The following ATPAF2 variants were observed in gnomAD, a reference collection of about 807,000 sequenced individuals.
ATPAF2 encodes ATP synthase mitochondrial F1 complex assembly factor 2.
ATPAF2 carries 30 observed loss-of-function variants against 36.6 expected under a neutral mutation model. That is an observed-to-expected ratio of 0.82 (90% confidence interval 0.61 to 1.11). The LOEUF (loss-of-function observed/expected upper bound fraction) is 1.11. Ranked by LOEUF, ATPAF2 falls within the 50% of genes most tolerant of loss-of-function variation. The pLI, the probability that ATPAF2 is intolerant of heterozygous loss-of-function variation, is 0.00. For synonymous variants in ATPAF2, 140 were observed against 152.6 expected, an observed-to-expected ratio of 0.92 and a Z score of 0.61; for missense variants, 321 against 372.3, an observed-to-expected ratio of 0.86 and a Z score of 1.13.
downstream of ATPAF2, chr17:18,016,566 G>C (rs1207384684): frequency 1.2e-6 from 2 of 1,611,720 alleles, no homozygotes; most frequent in African/African-American, 1.3e-5. Context: ...AGATTCACAA[G>C]GATGAGATCA....
At chr17:18,020,429 T>C (rs889557505) in intron 7 of ATPAF2, among the ~76,000 whole-genome samples, 1 of 152,254 alleles carries the variant, frequency 6.6e-6, no homozygotes, top group Admixed American at 6.5e-5. Flanking sequence ...AGATGGTCTT[T>C]ATCCACCCGT....
At chr17:18,033,867 C>G (rs2044670291) in intron 1 of ATPAF2, among the ~76,000 whole-genome samples, 1 of 151,158 alleles carries the variant, frequency 6.6e-6, no homozygotes, top group Non-Finnish European at 1.5e-5. Flanking sequence ...AGCTTGTAAT[C>G]CCAGCACTTT....
rs773968890 is a variant in ATPAF2, at chr17:18,028,655, C to T, written c.138G>A (p.Arg46=). The part of the protein sequence containing the change: ...PARAYAPPTE[R]KRFYQNVSIT... Reference sequence around the variant, plus strand: ...TGCTGACATTCTGATAAAACCTCTTCCTTTCTGTAAGAAAGATTTTTCAAA... The same window carrying T: ...TGCTGACATTCTGATAAAACCTCTTTCTTTCTGTAAGAAAGATTTTTCAAA... The change falls in exon 2 of 8, where the codon AGG becomes AGA. Residue 46 remains arginine, a synonymous_variant. Coordinates refer to ENST00000474627, the MANE Select transcript of ATPAF2 (RefSeq NM_145691.4). 6 of 1,612,814 alleles carry T rather than the reference C, an allele frequency of 3.7e-6. No individual in the cohort carries two copies. In the East Asian group the frequency reaches 1.3e-4, roughly 36 times the overall value.
chr17:18,019,258 T>G (rs1416432658), intron 7 of ATPAF2, among the ~76,000 whole-genome samples: 1 of 151,396 alleles, frequency 6.6e-6, no homozygotes. Flanking sequence ...CTGGAAGAAG[T>G]GCAGTCCAGG....
intron 1 of ATPAF2, among the ~76,000 whole-genome samples, chr17:18,034,093 T>A (rs1597678503): frequency 6.6e-6 from 1 of 152,068 alleles, no homozygotes; most frequent in Non-Finnish European, 1.5e-5. Flanking sequence ...CACTCTAGCC[T>A]AGGCAACAGA....
At chr17:18,029,370 G>A (rs2044594628) in intron 1 of ATPAF2, among the ~76,000 whole-genome samples, 1 of 152,176 alleles carries the variant, frequency 6.6e-6, no homozygotes, top group African/African-American at 2.4e-5. Context: ...TCCCTCAACT[G>A]ATAACAAAGA....
intron 7 of ATPAF2, among the ~76,000 whole-genome samples, chr17:18,019,035 AGACT>A (rs1413621442): frequency 6.6e-6 from 1 of 152,074 alleles, no homozygotes; most frequent in Non-Finnish European, 1.5e-5. Context: ...GCTATTTGAG[AGACT>A]GAGGTAGGAG....
At chr17:18,016,851 C>A, downstream of ATPAF2, 6 of 457,570 alleles carry the variant, frequency 1.3e-5, no homozygotes, top group African/African-American at 2.1e-5. Flanking sequence ...ATAAAGGACT[C>A]ATTTCACATT....
At chr17:18,025,082 A>T in intron 4 of ATPAF2, 1 of 347,640 alleles carries the variant, frequency 2.9e-6, no homozygotes, top group Non-Finnish European at 5.6e-6. Context: ...CCTAAAGCAG[A>T]TCCAATCTAC....
chr17:18,018,834 C>T (rs1774694260), intron 7 of ATPAF2, 148 bp from the exon 8 acceptor site: 3 of 1,131,460 alleles, frequency 2.7e-6, no homozygotes, highest in Non-Finnish European at 3.9e-6. Context: ...GGGGAGGTGG[C>T]AGGTAAGAAC....
At chr17:18,028,775 A>G (rs913052932) in intron 1 of ATPAF2, 116 bp from the exon 2 acceptor site, 1 of 996,306 alleles carries the variant, frequency 1.0e-6, no homozygotes, top group African/African-American at 1.6e-5. Context: ...TGATTTTCAT[A>G]TCCCCATTCA....
intron 1 of ATPAF2, among the ~76,000 whole-genome samples, chr17:18,033,625 C>T (rs1236277652): frequency 6.6e-6 from 1 of 151,988 alleles, no homozygotes; most frequent in Non-Finnish European, 1.5e-5. Flanking sequence ...CCACAGTGCA[C>T]CAAGAAGAGG....
intron 7 of ATPAF2, among the ~76,000 whole-genome samples, 188 bp from the exon 8 acceptor site, chr17:18,018,874 G>A (rs1050178078): frequency 4.6e-5 from 7 of 152,168 alleles, no homozygotes; most frequent in Non-Finnish European, 5.9e-5. Flanking sequence ...GGTGGCTCAC[G>A]CCTGTAATCC....
chr17:18,024,677 T>C lies in ATPAF2; in HGVS notation c.450A>G (p.Leu150=), dbSNP rs769105911. The C allele has an allele frequency of 1.2e-6, 2 of 1,614,100 alleles. No individual in the cohort carries two copies. The highest frequency in any genetic ancestry group is 1.6e-4 in the Middle Eastern group (1 of 6,062). ...ICYRVEEPET[L]VELQRNEWDP... ...CCCACTCATTCCTTTGAAGTTCCACTAATGTCTCGGGCTCCTCCACCCTGT... is the reference window on the plus strand; with the variant it reads ...CCCACTCATTCCTTTGAAGTTCCACCAATGTCTCGGGCTCCTCCACCCTGT... The change falls in exon 5 of 8, where the codon TTA becomes TTG. Residue 150 remains leucine, a synonymous_variant. Transcript: ENST00000474627.
Position 18,039,093 on chromosome 17 carries a change from C to A in ATPAF2, c.-80G>T. The A allele has an allele frequency of 1.3e-6, 2 of 1,539,204 alleles. No individual in the cohort carries two copies. Among genetic ancestry groups the A allele is most frequent in the Admixed American group, 2.0e-5 (1 of 51,038 alleles). ...GAGCGATGGGATCCCCAAAGCCGCA[C>A]GGTCGGGCTGTACGGAAACCTCTCA... On this transcript the variant is annotated 5_prime_UTR_variant, in exon 1 of 8. Transcript: ENST00000474627. This position sits in a 1 kb window ranked among gnomAD's most constrained non-coding sequence, Gnocchi z 5.3.
intron 1 of ATPAF2, among the ~76,000 whole-genome samples, chr17:18,029,056 C>G (rs1263955523): frequency 1.3e-5 from 2 of 152,198 alleles, no homozygotes; most frequent in Admixed American, 1.3e-4. Flanking sequence ...AGGCAAGACT[C>G]TGATGCCTCT....
intron 5 of ATPAF2, among the ~76,000 whole-genome samples, chr17:18,023,925 CAA>C (rs1322709602): frequency 6.6e-6 from 1 of 152,208 alleles, no homozygotes; most frequent in Non-Finnish European, 1.5e-5. Context: ...ACTTTGCACT[CAA>C]GAGTCTTCCT....
chr17:18,018,527 C>T lies in ATPAF2; in HGVS notation c.*22G>A. 1 of 1,612,736 alleles carries T rather than the reference C, an allele frequency of 6.2e-7. No homozygotes were observed. The highest frequency in any genetic ancestry group is 8.5e-7 in the Non-Finnish European group (1 of 1,180,018). ...CTGTGGCTGCACTGCCTCTATCCTG[C>T]TGAGTGTGCTCTGCCCAGGCCTCAC... is the stretch of plus-strand genomic sequence containing the variant. On this transcript the variant is annotated 3_prime_UTR_variant, in exon 8 of 8. Transcript: ENST00000474627.
intron 1 of ATPAF2, among the ~76,000 whole-genome samples, chr17:18,036,330 C>T (rs547829471): frequency 6.6e-6 from 1 of 152,148 alleles, no homozygotes; most frequent in South Asian, 2.1e-4. Flanking sequence ...AATCCCAGCA[C>T]TCTGGAAGGC....
Sources: allele counts gnomAD v4.1 joint callset (sites outside exome capture counted in the v4.1 genomes callset), GRCh38; gene constraint gnomAD v4.1.1; non-coding constraint Gnocchi (gnomAD v3.1); transcripts MANE v1.5; gene names NCBI Gene and HGNC (gene_info 2026-07-23, HGNC 2026-07-21).